HDAC2: variants seen among roughly 807,000 people sequenced by gnomAD.
HDAC2 encodes the protein histone deacetylase 2, also known as YY1-associated factor 1.
A neutral mutation model predicts 68.5 loss-of-function variants in HDAC2; 5 were observed. The ratio of observed to expected loss-of-function variants is 0.07; its 90% CI spans 0.04 to 0.15. HDAC2 has a LOEUF of 0.15. Among genes scored for constraint, HDAC2 ranks in the 10% least tolerant of loss-of-function variants. HDAC2 has a pLI of 1.00. For synonymous variants in HDAC2, 182 were observed against 191.3 expected, an observed-to-expected ratio of 0.95 and a Z score of 0.40; for missense variants, 291 against 600.8, an observed-to-expected ratio of 0.48 and a Z score of 5.39.
chr6:113,948,911 T>C, intron 8 of HDAC2, 68 bp downstream of exon 8: 3 of 1,559,248 alleles, frequency 1.9e-6, no homozygotes, highest in Non-Finnish European at 2.6e-6. Flanking sequence ...ATGAGAACTT[T>C]TACGGGGAGT....
chr6:113,971,054 A>G lies in HDAC2; in HGVS notation c.-146T>C. On this transcript the variant is annotated 5_prime_UTR_variant, in exon 1 of 14. Transcript: ENST00000519065. ...CGGGGAAGGGCAGGCCGGTGGGAGG[A>G]GAGGAGGGGGCGCCGGGAAGGCTCG... The G allele has an allele frequency of 1.3e-6, 2 of 1,563,048 alleles. No homozygotes were observed. The highest frequency in any genetic ancestry group is 4.7e-5 in the East Asian group (2 of 42,476).
chr6:113,945,438 C>CA lies in HDAC2; in HGVS notation c.1014dup (p.Gly339TrpfsTer9). 6.5e-7 allele frequency: 1 copy of CA among 1,545,006 alleles called. No individual in the cohort carries two copies. Among genetic ancestry groups the CA allele is most frequent in the Non-Finnish European group, 8.9e-7 (1 of 1,117,840 alleles). ...CTAATATGCAGTTTGAAGTCTGGTC[C>CA]AAAATACTCAAAGTAATCATTATAT... On this transcript the variant is annotated frameshift_variant, in exon 10 of 14. Transcript: ENST00000519065. LOFTEE classifies it high-confidence loss of function.
At chr6:113,966,456 G>A (rs1392198967) in intron 1 of HDAC2, among the ~76,000 whole-genome samples, 1 of 151,580 alleles carries the variant, frequency 6.6e-6, no homozygotes, top group African/African-American at 2.4e-5. Context: ...GGAGGCTGAG[G>A]CAAGAGAATC....
At chr6:113,949,900 G>GCCTA in intron 6 of HDAC2, among the ~76,000 whole-genome samples, 1 of 152,188 alleles carries the variant, frequency 6.6e-6, no homozygotes, top group East Asian at 1.9e-4. Flanking sequence ...TCCTGCCTCA[G>GCCTA]CCTACCGAGT....
rs138525752 is a variant in HDAC2 at position 113,951,037 on chromosome 6, A to T, written c.640-1777T>A. Among the ~76,000 whole-genome samples the T allele has an allele frequency of 2.6e-5, 4 of 152,348 alleles. No individual in the cohort carries two copies. The East Asian group carries it at 7.7e-4, about 29-fold the overall frequency. ...GTCCTACTGCACAGTTAAAACACAGATGAAATATATTTTGACCCTAAGATT... is the reference window on the plus strand; with the variant it reads ...GTCCTACTGCACAGTTAAAACACAGTTGAAATATATTTTGACCCTAAGATT... On this transcript the variant is annotated intron_variant, in intron 6 of 13. Transcript: ENST00000519065.
intron 1 of HDAC2, among the ~76,000 whole-genome samples, chr6:113,965,960 T>C (rs183345766): frequency 2.0e-5 from 3 of 152,338 alleles, no homozygotes; most frequent in Admixed American, 6.5e-5. Flanking sequence ...CTTTAAGGAC[T>C]TGTCAACAGA....
At chr6:113,964,158 T>C (rs569452900) in intron 1 of HDAC2, among the ~76,000 whole-genome samples, 16 of 152,152 alleles carry the variant, frequency 1.1e-4, no homozygotes, top group African/African-American at 3.9e-4. Flanking sequence ...TGATTCCAAA[T>C]GAGTTACCAA....
intron 1 of HDAC2, chr6:113,970,565 G>A: frequency 2.4e-6 from 3 of 1,247,910 alleles, no homozygotes; most frequent in Non-Finnish European, 3.0e-6. Context: ...GGGTAGGCCG[G>A]CGCCGTCCCC....
At chr6:113,960,130 T>C (rs1452102365) in intron 1 of HDAC2, 112 bp from the exon 2 acceptor site, 1 of 674,616 alleles carries the variant, frequency 1.5e-6, no homozygotes, top group Non-Finnish European at 2.7e-6. Flanking sequence ...CAAAATTTAT[T>C]TAAAACCTTA....
intron 2 of HDAC2, 98 bp from the exon 3 acceptor site, chr6:113,958,864 G>A: frequency 1.3e-6 from 1 of 764,174 alleles, no homozygotes; most frequent in Non-Finnish European, 2.3e-6. Flanking sequence ...CCCCTCAAAA[G>A]AACCAAGTCT....
chr6:113,949,343 G>T, intron 6 of HDAC2, 83 bp from the exon 7 acceptor site: 1 of 810,878 alleles, frequency 1.2e-6, no homozygotes, highest in South Asian at 1.6e-5. Flanking sequence ...TGAAAAGACT[G>T]AAAGACTAAG....
Position 113,960,088 on chromosome 6 carries a change from ATGTC to A in HDAC2, c.53-74_53-71del, listed in dbSNP as rs776067357. The A allele has an allele frequency of 3.8e-6, 3 of 791,978 alleles. No individual in the cohort carries two copies. The Admixed American group carries it at 6.2e-5, about 16-fold the overall frequency. The allele number at this position is 791,978 out of a possible 1,614,324, so 49.1% of individuals were successfully genotyped here. On this transcript the variant is annotated intron_variant, in intron 1 of 13. Coordinates refer to ENST00000519065, the MANE Select transcript of HDAC2 (RefSeq NM_001527.4). ...CTCCATGAACTATTTGAATTTATGT[ATGTC>A]TATCATTAGAAGGCATTTACTACTT... is the stretch of plus-strand genomic sequence containing the variant.
At chr6:113,957,622 T>C (rs1252740106) in intron 3 of HDAC2, among the ~76,000 whole-genome samples, 2 of 152,008 alleles carry the variant, frequency 1.3e-5, no homozygotes, top group African/African-American at 4.8e-5. Context: ...AGTAGTGGGA[T>C]TACAGGCGCG....
chr6:113,943,537 A>G (rs774870177), intron 11 of HDAC2, 31 bp from the exon 12 acceptor site: 3 of 1,556,888 alleles, frequency 1.9e-6, no homozygotes, highest in Middle Eastern at 1.7e-4. Flanking sequence ...AATTTTGACA[A>G]AAACAGTCAC....
At chr6:113,961,287 T>C (rs550006499) in intron 1 of HDAC2, among the ~76,000 whole-genome samples, 3 of 152,280 alleles carry the variant, frequency 2.0e-5, no homozygotes, top group Non-Finnish European at 2.9e-5. Flanking sequence ...AACTTTTTTG[T>C]CCTCTCTCCT....
chr6:113,944,487 C>CA, intron 10 of HDAC2, 77 bp from the exon 11 acceptor site: 1 of 1,266,286 alleles, frequency 7.9e-7, no homozygotes, highest in East Asian at 2.4e-5. Context: ...AAATATTTAG[C>CA]AAAAAATTTC....
chr6:113,965,881 T>A (rs957255835), intron 1 of HDAC2, among the ~76,000 whole-genome samples: 5 of 152,240 alleles, frequency 3.3e-5, no homozygotes, highest in African/African-American at 1.2e-4. Flanking sequence ...TAGACTTGAT[T>A]TGAATTCTTC....
intron 1 of HDAC2, among the ~76,000 whole-genome samples, chr6:113,961,959 G>A (rs757889649): frequency 1.3e-4 from 20 of 151,906 alleles, no homozygotes; most frequent in Non-Finnish European, 2.8e-4. Context: ...CAAATGAAAT[G>A]TCTCTAACAT....
chr6:113,966,557 A>G (rs79780980), intron 1 of HDAC2, among the ~76,000 whole-genome samples: 1 of 69,086 alleles, frequency 1.4e-5, no homozygotes, highest in Non-Finnish European at 3.1e-5. Flanking sequence ...ATTCCATCTC[A>G]AAAAAAAAAA....
Sources: gnomAD v4.1 joint callset for allele counts (sites outside exome capture counted in the v4.1 genomes callset) on GRCh38, gnomAD v4.1.1 for gene constraint, MANE v1.5 for transcripts, NCBI Gene and HGNC (gene_info 2026-07-23, HGNC 2026-07-21) for gene names.